Variants in ANKRD36 observed in about 807,000 individuals in gnomAD.
ANKRD36 encodes the protein ankyrin repeat domain 36.
In ANKRD36, 179 loss-of-function variants were observed where a neutral mutation model predicts 278.1. That is an observed-to-expected ratio of 0.64 (90% CI 0.57 to 0.73). The LOEUF is 0.73. Among genes scored for constraint, ANKRD36 ranks in the 30% least tolerant of loss-of-function variants. ANKRD36 has a pLI of 0.00. For synonymous variants in ANKRD36, 320 were observed against 641.1 expected (o/e 0.50, Z 7.57); for missense variants, 1,159 against 1,956.7 (o/e 0.59, Z 7.69).
chr2:97,194,979 A>T lies in ANKRD36; in HGVS notation c.2551+62A>T. The T allele has an allele frequency of 5.2e-6, 8 of 1,528,286 alleles. No homozygotes were observed. The South Asian group carries it at 9.7e-5, about 18-fold the overall frequency. 94.7% of individuals were successfully genotyped at this position (1,528,286 alleles called of 1,614,324 possible). On this transcript the variant is annotated intron_variant, in intron 40 of 75. Coordinates refer to ENST00000420699, the MANE Select transcript of ANKRD36 (RefSeq NM_001354587.1). ...CCAGACAAGAAGTTCTCTTCCCCGA[A>T]TAAATCAGTGGGGGGCTGGTCAAAG...
At chr2:97,154,240 G>A (rs202195486) in intron 14 of ANKRD36, among the ~76,000 whole-genome samples, 9 of 111,318 alleles carry the variant, frequency 8.1e-5, no homozygotes, top group Non-Finnish European at 1.2e-4. Context: ...ATAGATAATG[G>A]AGAAGAGACC....
chr2:97,144,753 A>C, intron 10 of ANKRD36, 41 bp downstream of exon 10: 1 of 1,537,394 alleles, frequency 6.5e-7, no homozygotes, highest in Non-Finnish European at 8.7e-7. Context: ...TACAGTCAAG[A>C]TAGAGAACTT....
intron 22 of ANKRD36, among the ~76,000 whole-genome samples, chr2:97,179,299 G>T (rs2123123): frequency 6.6e-6 from 1 of 151,568 alleles, no homozygotes; most frequent in African/African-American, 2.4e-5. Context: ...TCAAGTTAAA[G>T]AGCATGATGA....
rs776660008 is a variant in ANKRD36, at chr2:97,192,719, C to T, written c.2348-139C>T. 3.7e-5 allele frequency: 46 copies of T among 1,242,446 alleles called. 1 individual carries two copies. Among genetic ancestry groups the T allele is most frequent in the Admixed American group, 2.4e-4 (12 of 49,766 alleles). 77.0% of individuals were successfully genotyped at this position (1,242,446 alleles called of 1,614,324 possible). ...AGTGTATTTCTGTCACGTTCTAGTC[C>T]CCAGACTAAAAGTAGAAGCCATCAA... On this transcript the variant is annotated intron_variant, in intron 36 of 75. Coordinates refer to ENST00000420699, the MANE Select transcript of ANKRD36 (RefSeq NM_001354587.1).
At chr2:97,226,240 A>T (rs562802060) in intron 67 of ANKRD36, among the ~76,000 whole-genome samples, 1 of 151,862 alleles carries the variant, frequency 6.6e-6, no homozygotes, top group Non-Finnish European at 1.5e-5. Flanking sequence ...CAGTCCCACC[A>T]ACAGTGTAAA....
chr2:97,139,157 A>G (rs1373276192), intron 6 of ANKRD36, among the ~76,000 whole-genome samples: 1 of 152,068 alleles, frequency 6.6e-6, no homozygotes, highest in Non-Finnish European at 1.5e-5. Flanking sequence ...TTCAAAAATG[A>G]AGAAAGTAAG....
chr2:97,179,640 G>A (rs1480862351), intron 22 of ANKRD36, 98 bp from the exon 23 acceptor site: 1 of 1,507,346 alleles, frequency 6.6e-7, no homozygotes, highest in African/African-American at 1.4e-5. Flanking sequence ...ACAGGCAGGA[G>A]TACAAAACTT....
At chr2:97,211,844 C>A (rs1242145167) in intron 58 of ANKRD36, 103 bp downstream of exon 58, 12 of 1,334,906 alleles carry the variant, frequency 9.0e-6, no homozygotes, top group Non-Finnish European at 1.2e-5. Context: ...TCATGTTCTG[C>A]TTCAGTATTC....
intron 44 of ANKRD36, 47 bp from the exon 45 acceptor site, chr2:97,200,287 T>C: frequency 1.2e-6 from 2 of 1,606,670 alleles, no homozygotes; most frequent in Non-Finnish European, 1.7e-6. Flanking sequence ...ATGGATAATT[T>C]TATCATGTTT....
intron 67 of ANKRD36, among the ~76,000 whole-genome samples, chr2:97,230,426 G>C (rs1224460080): frequency 6.6e-6 from 1 of 152,042 alleles, no homozygotes; most frequent in Non-Finnish European, 1.5e-5. Context: ...CCAGTTGATT[G>C]CATCGGCTCC....
Position 97,118,401 on chromosome 2 carries a change from C to A in ANKRD36, c.370C>A (p.Pro124Thr). 6.2e-7 allele frequency: 1 copy of A among 1,608,022 alleles called. No individual in the cohort carries two copies. The highest frequency in any genetic ancestry group is 8.5e-7 in the Non-Finnish European group (1 of 1,177,664). ...TCTTCTGCTGCAAAATGGCGCCAAT[C>A]CAAATATTACGGATTTCTTTGGAAG... Reference protein sequence around the residue: ...ATLLLQNGANPNITDFFGRTA... With the variant: ...ATLLLQNGANTNITDFFGRTA... Residue 124 changes from proline (P) to threonine (T), a missense_variant, in exon 3 of 76, where the codon CCA becomes ACA. Transcript: ENST00000420699.
chr2:97,207,410 G>A (rs1275626578), intron 52 of ANKRD36, among the ~76,000 whole-genome samples: 1 of 151,404 alleles, frequency 6.6e-6, no homozygotes, highest in East Asian at 2.0e-4. Context: ...GTAGTATAAT[G>A]GTGTAAATCC....
intron 20 of ANKRD36, among the ~76,000 whole-genome samples, chr2:97,165,134 A>T (rs1318859729): frequency 6.6e-6 from 1 of 152,252 alleles, no homozygotes; most frequent in Non-Finnish European, 1.5e-5. Context: ...TGCAATGCAC[A>T]TTAAAAATAC....
intron 66 of ANKRD36, among the ~76,000 whole-genome samples, chr2:97,224,552 C>G (rs1268517887): frequency 1.5e-4 from 23 of 151,864 alleles, no homozygotes; most frequent in Non-Finnish European, 1.2e-4. Flanking sequence ...CGGGCTCACG[C>G]CATTCTCCTG....
chr2:97,226,122 T>A (rs1411447088), intron 67 of ANKRD36, among the ~76,000 whole-genome samples: 1 of 151,638 alleles, frequency 6.6e-6, no homozygotes, highest in East Asian at 2.0e-4. Flanking sequence ...TGATTTATAG[T>A]CCTTTGGGTA....
chr2:97,261,115 CTGTT>C (rs2076707886), intron 75 of ANKRD36, among the ~76,000 whole-genome samples: 2 of 122,940 alleles, frequency 1.6e-5, no homozygotes, highest in Non-Finnish European at 3.1e-5. Flanking sequence ...CTGGAGTAGT[CTGTT>C]TAATTTCCTT....
intron 4 of ANKRD36, among the ~76,000 whole-genome samples, chr2:97,123,957 T>TTATATATATATATATA (rs58038395): frequency 7.1e-6 from 1 of 141,806 alleles, no homozygotes; most frequent in Non-Finnish European, 1.5e-5. Flanking sequence ...TCCTCCATAT[T>TTATATATATATATATA]TATATATATA....
At position 97,130,743 on chromosome 2, in the gene ANKRD36, C is replaced by G. The variant is rs1574657292; in HGVS notation, c.799+3609C>G. ...TTTAGTGCAATTCCCTTTTCATGAC[C>G]TCTTGTAATATCTCTGCTTTTACTG... On this transcript the variant is annotated intron_variant, in intron 6 of 75. Coordinates refer to ENST00000420699, the MANE Select transcript of ANKRD36 (RefSeq NM_001354587.1). Among the ~76,000 whole-genome samples, 8 of 152,114 alleles carry G rather than the reference C, an allele frequency of 5.3e-5. 1 individual carries two copies. The South Asian group carries it at 1.7e-3, about 32-fold the overall frequency.
rs559627381 is a variant in ANKRD36 at position 97,206,218 on chromosome 2, C to G, written c.3163+83C>G. 12 of 1,358,686 alleles carry G rather than the reference C, an allele frequency of 8.8e-6. 1 individual carries two copies. Among genetic ancestry groups the G allele is most frequent in the East Asian group, 2.5e-5 (1 of 39,900 alleles). 84.2% of individuals were successfully genotyped at this position (1,358,686 alleles called of 1,614,324 possible). On this transcript the variant is annotated intron_variant, in intron 52 of 75. Transcript: ENST00000420699. ...TCCCCAAGTAAATCAGCGGGGGGCT[C>G]ATCGAAGCTGCACTTTCTGATTCAG...
Sources: gnomAD v4.1 joint callset for allele counts (sites outside exome capture counted in the v4.1 genomes callset) on GRCh38, gnomAD v4.1.1 for gene constraint, MANE v1.5 for transcripts, NCBI Gene and HGNC (gene_info 2026-07-23, HGNC 2026-07-21) for gene names.